Variants in NALF1 observed in about 807,000 individuals in gnomAD.
NALF1 encodes family with sequence similarity 155 member A.
Under a neutral mutation model 48.4 loss-of-function variants are expected in NALF1, and 3 were observed. That is an observed-to-expected ratio of 0.06 (90% CI 0.03 to 0.16). NALF1 has a LOEUF of 0.16. Ranked by LOEUF, NALF1 falls within the 10% of genes least tolerant of loss-of-function variation. The pLI is 1.00. For synonymous variants in NALF1, 262 were observed against 245.7 expected (o/e 1.07, Z -0.62); for missense variants, 526 against 571.5 (o/e 0.92, Z 0.81).
At chr13:107,428,110 A>G (rs983310618) in intron 1 of NALF1, among the ~76,000 whole-genome samples, 9 of 152,138 alleles carry the variant, frequency 5.9e-5, no homozygotes, top group African/African-American at 2.2e-4. Context: ...GAAGGAGTGA[A>G]GTAGAGCAAT....
At chr13:107,811,953 T>C (rs1299209282) in intron 1 of NALF1, among the ~76,000 whole-genome samples, 1 of 152,208 alleles carries the variant, frequency 6.6e-6, no homozygotes, top group African/African-American at 2.4e-5. Context: ...TCTTTATTGA[T>C]ATGCAGGGAA....
At chr13:107,449,773 T>C (rs1884710211) in intron 1 of NALF1, among the ~76,000 whole-genome samples, 1 of 152,176 alleles carries the variant, frequency 6.6e-6, no homozygotes, top group South Asian at 2.1e-4. Flanking sequence ...CTATTCTCGG[T>C]CCTTTAAATA....
intron 1 of NALF1, among the ~76,000 whole-genome samples, chr13:107,440,892 C>T (rs895154730): frequency 3.3e-5 from 5 of 152,042 alleles, no homozygotes; most frequent in African/African-American, 4.8e-5. Context: ...TTATAATTTT[C>T]GGCAACTTCG....
chr13:107,411,802 G>T (rs1883996602), intron 1 of NALF1, among the ~76,000 whole-genome samples: 1 of 152,132 alleles, frequency 6.6e-6, no homozygotes, highest in African/African-American at 2.4e-5. Context: ...CATTTGAAAG[G>T]TTGAGACCAG....
intron 1 of NALF1, among the ~76,000 whole-genome samples, chr13:107,810,387 A>C (rs1401141273): frequency 6.6e-6 from 1 of 151,956 alleles, no homozygotes; most frequent in Non-Finnish European, 1.5e-5. Context: ...CCTGAAGTCT[A>C]TCTCTCCCAG....
At chr13:107,385,200 C>G (rs1233071923) in intron 1 of NALF1, among the ~76,000 whole-genome samples, 1 of 152,164 alleles carries the variant, frequency 6.6e-6, no homozygotes, top group Non-Finnish European at 1.5e-5. Flanking sequence ...ATAAGTATTT[C>G]CTCCTCCTTT....
intron 1 of NALF1, among the ~76,000 whole-genome samples, chr13:107,857,583 G>A (rs1029278692): frequency 5.3e-5 from 8 of 152,134 alleles, no homozygotes; most frequent in Non-Finnish European, 2.9e-5. Flanking sequence ...CTAAAATGTA[G>A]CACATGTTAA....
At chr13:107,316,816 C>G (rs1019083455) in intron 1 of NALF1, among the ~76,000 whole-genome samples, 2 of 151,794 alleles carry the variant, frequency 1.3e-5, no homozygotes, top group Admixed American at 1.3e-4. Context: ...TGAGTTTTCT[C>G]TTTTTAAGAA....
chr13:107,422,234 C>G (rs996652883), intron 1 of NALF1, among the ~76,000 whole-genome samples: 1 of 152,132 alleles, frequency 6.6e-6, no homozygotes, highest in South Asian at 2.1e-4. Context: ...TAGGAGTTTA[C>G]TATTTACTGC....
chr13:107,272,926 C>T (rs1031537625), intron 1 of NALF1, among the ~76,000 whole-genome samples: 1 of 152,184 alleles, frequency 6.6e-6, no homozygotes, highest in African/African-American at 2.4e-5. Context: ...AAGGCATTTG[C>T]AAGTCTTCAC....
At chr13:107,468,542 A>G (rs1885045805) in intron 1 of NALF1, among the ~76,000 whole-genome samples, 1 of 152,218 alleles carries the variant, frequency 6.6e-6, no homozygotes, top group African/African-American at 2.4e-5. Flanking sequence ...GCCATTGTAA[A>G]AAGTATGAAA....
At position 107,866,462 on chromosome 13, in the gene NALF1, G is replaced by A; in HGVS notation, c.135C>T (p.Leu45=). The part of the protein sequence containing the change: ...AQKWRLSLAS[L]LFFTVLLSDH... ...CAGAGAGCAGGACTGTGAAAAACAA[G>A]AGAGATGCCAGAGACAGTCGCCATT... Residue 45 remains leucine (L), a synonymous_variant, in exon 1 of 3, where the codon CTC becomes CTT. Transcript: ENST00000375915. This position sits in a 1 kb window ranked among gnomAD's most constrained non-coding sequence, Gnocchi z 4.4. 1 of 1,614,168 alleles carries A rather than the reference G, an allele frequency of 6.2e-7. No homozygotes were observed.
chr13:107,233,601 T>G (rs1880274877), intron 1 of NALF1, among the ~76,000 whole-genome samples: 1 of 152,124 alleles, frequency 6.6e-6, no homozygotes, highest in Admixed American at 6.5e-5. Context: ...GCCAAGATTT[T>G]GGGGGAAAAA....
chr13:107,614,594 T>G (rs1879327467), intron 1 of NALF1, among the ~76,000 whole-genome samples: 1 of 152,202 alleles, frequency 6.6e-6, no homozygotes, highest in African/African-American at 2.4e-5. Context: ...AGAAAACTGC[T>G]GTTTAAATTT....
At chr13:107,559,189 C>A (rs1318108177) in intron 1 of NALF1, among the ~76,000 whole-genome samples, 3 of 152,152 alleles carry the variant, frequency 2.0e-5, no homozygotes, top group Non-Finnish European at 4.4e-5. Context: ...AAAAACTCAG[C>A]CAGTGTTATT....
At chr13:107,251,575 G>A (rs1431228560) in intron 1 of NALF1, among the ~76,000 whole-genome samples, 3 of 152,198 alleles carry the variant, frequency 2.0e-5, no homozygotes, top group Admixed American at 6.5e-5. Flanking sequence ...GTGGCAAGGA[G>A]AGGTTATAAA....
chr13:107,620,448 A>G (rs946443026), intron 1 of NALF1, among the ~76,000 whole-genome samples: 18 of 152,214 alleles, frequency 1.2e-4, no homozygotes, highest in African/African-American at 4.3e-4. Context: ...TTGCAATTCT[A>G]TAATTAGATG....
rs576445468 is a variant in NALF1 at position 107,838,426 on chromosome 13, T to C, written c.915+27256A>G. On this transcript the variant is annotated intron_variant, in intron 1 of 2. Coordinates refer to ENST00000375915, the MANE Select transcript of NALF1 (RefSeq NM_001080396.3). ...TCCTTTTCAGTTGCAGTATTCTTTT[T>C]CCTGTAATCGCTTACACTATATAAA... Among the ~76,000 whole-genome samples, 47 of 152,358 alleles carry C rather than the reference T, an allele frequency of 3.1e-4. 1 individual carries two copies. The highest frequency in any genetic ancestry group is 8.5e-4 in the Admixed American group (13 of 15,306).
At position 107,671,609 on chromosome 13, in the gene NALF1, T is replaced by C. The variant is rs570992974; in HGVS notation, c.915+194073A>G. 3.3e-5 allele frequency among the ~76,000 whole-genome samples: 5 copies of C among 152,236 alleles called. No homozygotes were observed. The East Asian group carries it at 9.6e-4, about 29-fold the overall frequency. The stretch of plus-strand genomic sequence containing the variant: ...TGAACGTTACATAAAGTTAAAACTT[T>C]TATATAAAAACATACTTTAAAAGTT... On this transcript the variant is annotated intron_variant, in intron 1 of 2. Transcript: ENST00000375915.
Sources: allele counts gnomAD v4.1 joint callset (sites outside exome capture counted in the v4.1 genomes callset), GRCh38; gene constraint gnomAD v4.1.1; non-coding constraint Gnocchi (gnomAD v3.1); transcripts MANE v1.5; gene names NCBI Gene and HGNC (gene_info 2026-07-23, HGNC 2026-07-21).